NEDD4L: variants seen among roughly 807,000 people sequenced by gnomAD.
NEDD4L encodes E3 ubiquitin-protein ligase NEDD4-like.
A neutral mutation model predicts 148.9 loss-of-function variants in NEDD4L; 54 were observed. The observed-to-expected ratio is 0.36, with a 90% confidence interval of 0.29 to 0.45. The LOEUF is 0.45. Among genes scored for constraint, NEDD4L ranks in the 20% least tolerant of loss-of-function variants. The probability of loss-of-function intolerance (pLI) is 1.00; values close to 1 mark genes in which losing one functional copy is unlikely to be tolerated. For synonymous variants in NEDD4L, 433 were observed against 440.7 expected (o/e 0.98, Z 0.22); for missense variants, 856 against 1,233.8 (o/e 0.69, Z 4.59).
rs35545013 is a variant in NEDD4L, at chr18:58,398,157, TAAAAAAAAAAA to T, written c.*1915_*1925del. Reference sequence around the variant, plus strand: ...TCAGAAAACTTAGATGCTATGTAACTAAAAAAAAAAAAAAAAAAAAAAAAAAAAAAAAAAAA... The same window carrying T: ...TCAGAAAACTTAGATGCTATGTAACTAAAAAAAAAAAAAAAAAAAAAAAAA... On this transcript the variant is annotated 3_prime_UTR_variant, in exon 31 of 31. Coordinates refer to ENST00000400345, the MANE Select transcript of NEDD4L (RefSeq NM_001144967.3). The T allele has an allele frequency of 9.1e-3, 281 of 30,998 alleles. No individual in the cohort carries two copies. Among genetic ancestry groups the T allele is most frequent in the Admixed American group, 0.013 (23 of 1,764 alleles). The allele number at this position is 30,998 out of a possible 1,614,324, so 1.9% of individuals were successfully genotyped here. A position where few individuals can be genotyped will look rare whatever the true frequency, so the allele number is the denominator to read the frequency against.
intron 1 of NEDD4L, among the ~76,000 whole-genome samples, chr18:58,059,349 G>A (rs7236597): frequency 0.81 from 123,008 of 152,210 alleles, 50,269 homozygotes; most frequent in East Asian, 1. Context: ...TGTGTTCCAC[G>A]GAAGAAGGTT....
chr18:58,295,326 C>T (rs940945627), intron 5 of NEDD4L, among the ~76,000 whole-genome samples: 2 of 152,218 alleles, frequency 1.3e-5, no homozygotes, highest in Non-Finnish European at 2.9e-5. Flanking sequence ...TTTTACAGTT[C>T]TGCCTCTTCT....
chr18:58,364,424 T>C (rs1453073671), intron 20 of NEDD4L, 91 bp downstream of exon 20: 4 of 724,822 alleles, frequency 5.5e-6, no homozygotes, highest in African/African-American at 3.6e-5. Flanking sequence ...TTGTTACTTT[T>C]ATATGAATGC....
intron 2 of NEDD4L, among the ~76,000 whole-genome samples, chr18:58,207,795 A>G (rs2042122071): frequency 6.6e-6 from 1 of 152,100 alleles, no homozygotes; most frequent in African/African-American, 2.4e-5. Flanking sequence ...TGGAAGGTGG[A>G]ATTTTGGACC....
intron 2 of NEDD4L, among the ~76,000 whole-genome samples, chr18:58,234,602 C>A (rs377253840): frequency 6.6e-6 from 1 of 151,924 alleles, no homozygotes; most frequent in Non-Finnish European, 1.5e-5. Context: ...CCCAAAGGGG[C>A]GAGATTACAG....
chr18:58,061,414 T>C lies in NEDD4L; in HGVS notation c.48+16706T>C, dbSNP rs187440011. Among the ~76,000 whole-genome samples the C allele has an allele frequency of 2.3e-3, 343 of 152,164 alleles. 1 individual carries two copies. Among genetic ancestry groups the C allele is most frequent in the Non-Finnish European group, 2.9e-3 (196 of 68,016 alleles). ...CTTCCAGATGTCAGAATCTACTCCT[T>C]CTGCTTACCCTGCTGCTTCATATCT... On this transcript the variant is annotated intron_variant, in intron 1 of 30. Transcript: ENST00000400345.
chr18:58,143,874 G>A (rs1460280845), intron 1 of NEDD4L, among the ~76,000 whole-genome samples: 2 of 152,152 alleles, frequency 1.3e-5, no homozygotes, highest in African/African-American at 4.8e-5. Flanking sequence ...GAAAGAGAAT[G>A]TTCATATTAT....
At chr18:58,229,463 C>T (rs1362666082) in intron 2 of NEDD4L, among the ~76,000 whole-genome samples, 1 of 152,148 alleles carries the variant, frequency 6.6e-6, no homozygotes, top group Non-Finnish European at 1.5e-5. Context: ...AATAACCTAG[C>T]TGGGGGGGAG....
chr18:58,089,480 C>T (rs576101181), intron 1 of NEDD4L, among the ~76,000 whole-genome samples: 1 of 151,992 alleles, frequency 6.6e-6, no homozygotes, highest in Non-Finnish European at 1.5e-5. Flanking sequence ...GGCTGGGGCA[C>T]GTATAACTAA....
At chr18:58,287,910 G>A (rs2149069295) in intron 5 of NEDD4L, among the ~76,000 whole-genome samples, 1 of 152,296 alleles carries the variant, frequency 6.6e-6, no homozygotes, top group East Asian at 1.9e-4. Context: ...AAAAAAATAA[G>A]ATACCAGCAA....
chr18:58,077,796 T>G (rs1480270362), intron 1 of NEDD4L, among the ~76,000 whole-genome samples: 1 of 152,190 alleles, frequency 6.6e-6, no homozygotes, highest in African/African-American at 2.4e-5. Context: ...TTTGGTTTTC[T>G]TGGAATCTTT....
In NEDD4L at chr18:58,366,065, A is replaced by C; in HGVS notation, c.1900A>C (p.Arg634=). The change falls in exon 21 of 31, where the codon AGA becomes CGA. Residue 634 remains arginine (R), a synonymous_variant. Coordinates refer to ENST00000400345, the MANE Select transcript of NEDD4L (RefSeq NM_001144967.3). The surrounding 1 kb of genome is among the most constrained non-coding windows in gnomAD (Gnocchi z 4.2). ...RNNIFEESYR[R]IMSVKRPDVL... ...TAACATATTTGAAGAGTCCTATCGGAGAATTATGTCCGTGAAAAGACCAGA... is the reference window on the plus strand; with the variant it reads ...TAACATATTTGAAGAGTCCTATCGGCGAATTATGTCCGTGAAAAGACCAGA... The C allele has an allele frequency of 6.2e-7, 1 of 1,613,546 alleles. No homozygotes were observed. The highest frequency in any genetic ancestry group is 8.5e-7 in the Non-Finnish European group (1 of 1,179,716).
At chr18:58,181,103 A>C (rs1464642597) in intron 2 of NEDD4L, among the ~76,000 whole-genome samples, 1 of 152,250 alleles carries the variant, frequency 6.6e-6, no homozygotes, top group African/African-American at 2.4e-5. Context: ...TATGCAGAGG[A>C]GAGAATGATT....
chr18:58,127,007 G>T (rs4940646), intron 1 of NEDD4L, among the ~76,000 whole-genome samples: 110,686 of 152,082 alleles, frequency 0.73, 40,394 homozygotes, highest in Admixed American at 0.77. Flanking sequence ...CTGCATTCCT[G>T]TCGGGATAGG....
At chr18:58,333,678 C>A in intron 11 of NEDD4L, 140 bp from the exon 12 acceptor site, 1 of 665,646 alleles carries the variant, frequency 1.5e-6, no homozygotes, top group Non-Finnish European at 2.7e-6. Context: ...ACTGTCCTTG[C>A]TCTGAAAAGA....
Position 58,333,882 on chromosome 18 carries a change from A to T in NEDD4L, c.1055A>T (p.His352Leu), listed in dbSNP as rs924303449. The change falls in exon 12 of 31, where the codon CAT becomes CTT. Residue 352 changes from histidine (H) to leucine (L), a missense_variant. By Grantham distance (99) the His-to-Leu change is moderately conservative. This residue lies in a region of NEDD4L where 367 missense variants were observed against 422.7 expected (regional missense o/e 0.87). Transcript: ENST00000400345. ...ACCGACGCAGTTGCAGAACAGGGCCATCTACCACCGGTAACCCATGCTAAT... is the reference window on the plus strand; with the variant it reads ...ACCGACGCAGTTGCAGAACAGGGCCTTCTACCACCGGTAACCCATGCTAAT... ...SVTDAVAEQGHLPPPSAPAGR... is the reference protein window; with the variant it reads ...SVTDAVAEQGLLPPPSAPAGR... The T allele has an allele frequency of 6.2e-7, 1 of 1,612,164 alleles. No individual in the cohort carries two copies. The highest frequency in any genetic ancestry group is 8.5e-7 in the Non-Finnish European group (1 of 1,178,840).
At chr18:58,259,184 T>C (rs1422133753) in intron 5 of NEDD4L, among the ~76,000 whole-genome samples, 1 of 152,206 alleles carries the variant, frequency 6.6e-6, no homozygotes, top group African/African-American at 2.4e-5. Flanking sequence ...CATCCTGCCA[T>C]GACTAAATCT....
chr18:58,191,495 T>C (rs892417210), intron 2 of NEDD4L, among the ~76,000 whole-genome samples: 1 of 152,208 alleles, frequency 6.6e-6, no homozygotes, highest in African/African-American at 2.4e-5. Flanking sequence ...GTTTTGCAGG[T>C]AAGTTCCCTG....
chr18:58,067,530 G>T (rs1035328612), intron 1 of NEDD4L, among the ~76,000 whole-genome samples: 2 of 152,164 alleles, frequency 1.3e-5, no homozygotes, highest in African/African-American at 4.8e-5. Flanking sequence ...GGTGTGGGGG[G>T]CCTGCGAGGA....
Sources: gnomAD v4.1 joint callset for allele counts (sites outside exome capture counted in the v4.1 genomes callset) on GRCh38, gnomAD v4.1.1 for gene constraint, gnomAD v4.1.1 regional missense constraint, Gnocchi (gnomAD v3.1) non-coding constraint, MANE v1.5 for transcripts, NCBI Gene and HGNC (gene_info 2026-07-23, HGNC 2026-07-21) for gene names.